LRRC7: variants seen among roughly 807,000 people sequenced by gnomAD.
LRRC7 encodes leucine-rich repeat-containing protein 7.
In LRRC7, 23 loss-of-function variants were observed where a neutral mutation model predicts 175.7. That is an observed-to-expected ratio of 0.13 (90% CI 0.09 to 0.19). LRRC7 has a LOEUF of 0.19. Ranked by LOEUF, LRRC7 falls within the 10% of genes least tolerant of loss-of-function variation. The probability of loss-of-function intolerance (pLI) is 1.00; values close to 1 mark genes in which losing one functional copy is unlikely to be tolerated. For synonymous variants in LRRC7, 685 were observed against 680.9 expected (o/e 1.01, Z -0.09); for missense variants, 1,354 against 1,904.7 (o/e 0.71, Z 5.38).
chr1:70,069,117 A>G (rs1273835484), intron 23 of LRRC7, among the ~76,000 whole-genome samples: 3 of 152,274 alleles, frequency 2.0e-5, no homozygotes, highest in East Asian at 3.9e-4. Flanking sequence ...GTTTAATTAT[A>G]GTGTGTCTGT....
rs78427379 is a variant in LRRC7, at chr1:69,713,003, G to A, written c.100+34525G>A. Among the ~76,000 whole-genome samples the A allele has an allele frequency of 2.2e-3, 342 of 152,222 alleles. 3 individuals carry two copies. In the East Asian group the frequency reaches 0.033, roughly 15 times the overall value. On this transcript the variant is annotated intron_variant, in intron 2 of 26. Transcript: ENST00000651989. ...TTGAATGGCGAATCTCCCTGAACGT[G>A]GAGGGGCACGTTTTGTTTTCAACAA... is the stretch of plus-strand genomic sequence containing the variant.
chr1:69,782,440 T>G (rs1245633366), intron 3 of LRRC7, among the ~76,000 whole-genome samples: 1 of 152,128 alleles, frequency 6.6e-6, no homozygotes, highest in East Asian at 1.9e-4. Flanking sequence ...GATCTGGAAC[T>G]TGAACAACAG....
intron 2 of LRRC7, among the ~76,000 whole-genome samples, chr1:69,705,769 C>T (rs538548592): frequency 2.0e-5 from 3 of 152,094 alleles, no homozygotes; most frequent in South Asian, 2.1e-4. Context: ...CCTATATGCC[C>T]CAAGTGTTTT....
intron 1 of LRRC7, chr1:69,607,273 A>T (rs1364137313): frequency 6.6e-6 from 1 of 152,078 alleles, no homozygotes; most frequent in African/African-American, 2.4e-5. Context: ...AAGTCATTTT[A>T]ATAATCTCCT....
chr1:69,919,654 C>CT (rs1646823180), intron 7 of LRRC7: 3 of 897,252 alleles, frequency 3.3e-6, no homozygotes, highest in Non-Finnish European at 5.6e-6. Context: ...GAGAGAAGGA[C>CT]TTTGAGTCTC....
intron 7 of LRRC7, 90 bp from the exon 8 acceptor site, chr1:69,931,417 G>C (rs894517867): frequency 1.0e-6 from 1 of 1,002,314 alleles, no homozygotes; most frequent in South Asian, 1.4e-5. Context: ...TACGCAATCA[G>C]GTAAATCTGA....
Position 69,978,990 on chromosome 1 carries a change from G to T in LRRC7, c.712-1389G>T, listed in dbSNP as rs533748021. The stretch of plus-strand genomic sequence containing the variant: ...TTCCAGGCTTATATAATCTTACCAG[G>T]ATCTATCCTTTAGCTCCACTTTCTG... On this transcript the variant is annotated intron_variant, in intron 8 of 26. Transcript: ENST00000651989. 1.2e-4 allele frequency among the ~76,000 whole-genome samples: 18 copies of T among 150,698 alleles called. No individual in the cohort carries two copies. In the South Asian group the frequency reaches 1.7e-3, roughly 14 times the overall value.
intron 1 of LRRC7, among the ~76,000 whole-genome samples, chr1:69,608,481 A>T (rs1648016947): frequency 6.6e-6 from 1 of 152,066 alleles, no homozygotes; most frequent in Non-Finnish European, 1.5e-5. Context: ...AGGTAGTCAC[A>T]TGAGAAGATC....
At chr1:69,886,404 T>G (rs1302490679) in intron 7 of LRRC7, among the ~76,000 whole-genome samples, 2 of 151,440 alleles carry the variant, frequency 1.3e-5, no homozygotes, top group Non-Finnish European at 3.0e-5. Flanking sequence ...TCTTTGTTGG[T>G]TTAAAGTCTG....
intron 7 of LRRC7, among the ~76,000 whole-genome samples, chr1:69,917,537 G>C (rs1033306891): frequency 1.3e-5 from 2 of 152,018 alleles, no homozygotes; most frequent in Non-Finnish European, 2.9e-5. Flanking sequence ...AAAGAGAGGA[G>C]ACATTTGACA....
At chr1:70,026,087 G>A (rs939640403) in intron 17 of LRRC7, among the ~76,000 whole-genome samples, 1 of 151,894 alleles carries the variant, frequency 6.6e-6, no homozygotes, top group Admixed American at 6.6e-5. Context: ...TGTGTCAGAT[G>A]GGACACAGCA....
chr1:69,885,769 C>T (rs1458757268), intron 7 of LRRC7, among the ~76,000 whole-genome samples: 1 of 140,260 alleles, frequency 7.1e-6, no homozygotes, highest in East Asian at 2.1e-4. Context: ...TATAAATTTC[C>T]CTCTACACAC....
chr1:69,858,494 C>G lies in LRRC7; in HGVS notation c.647+20211C>G, dbSNP rs566792996. Among the ~76,000 whole-genome samples the G allele has an allele frequency of 2.0e-5, 3 of 152,146 alleles. 1 individual carries two copies. The Middle Eastern group carries it at 0.01, about 518-fold the overall frequency. ...TCCACAAAGACAAGGGCCATCCAGG[C>G]TACACCAATATTAGCATACTAGAAG... On this transcript the variant is annotated intron_variant, in intron 7 of 26. Transcript: ENST00000651989.
intron 24 of LRRC7, among the ~76,000 whole-genome samples, chr1:70,080,307 T>G (rs1663112069): frequency 6.6e-6 from 1 of 152,236 alleles, no homozygotes; most frequent in South Asian, 2.1e-4. Context: ...CATGTGGAAA[T>G]GAACATATAT....
rs1418137854 is a variant in LRRC7, at chr1:70,133,852, C to T, written c.*11965C>T. On this transcript the variant is annotated 3_prime_UTR_variant, in exon 27 of 27. Transcript: ENST00000651989. The stretch of plus-strand genomic sequence containing the variant: ...CCTATCTCCCATTATTTTAGCCACA[C>T]TTCCTTCAGGTATGCCCATTCCAAG... 6.6e-6 allele frequency among the ~76,000 whole-genome samples: 1 copy of T among 152,196 alleles called. No individual in the cohort carries two copies. Among genetic ancestry groups the T allele is most frequent in the African/African-American group, 2.4e-5 (1 of 41,440 alleles).
chr1:69,928,923 C>T (rs374144811), intron 7 of LRRC7, among the ~76,000 whole-genome samples: 41 of 152,298 alleles, frequency 2.7e-4, no homozygotes, highest in Middle Eastern at 6.8e-3. Context: ...AGCTGTAGAC[C>T]GGAGCTGTTC....
intron 21 of LRRC7, among the ~76,000 whole-genome samples, chr1:70,043,260 C>T (rs1035306185): frequency 6.6e-6 from 1 of 151,856 alleles, no homozygotes; most frequent in Non-Finnish European, 1.5e-5. Context: ...ATTATAATTG[C>T]TTTAATATTA....
rs35639787 is a variant in LRRC7, at chr1:70,054,578, CTTTTTTTTTTT to C, written c.4230+1454_4230+1464del. On this transcript the variant is annotated intron_variant, in intron 23 of 26. Transcript: ENST00000651989. ...TTGAATTATGGTTCTTTACACTCTA[CTTTTTTTTTTT>C]TTTTTTTTTTTTTTTTTTTTGAGAC... Among the ~76,000 whole-genome samples, 431 of 53,826 alleles carry C rather than the reference CTTTTTTTTTTT, an allele frequency of 8.0e-3. 6 individuals carry two copies. Among genetic ancestry groups the C allele is most frequent in the African/African-American group, 0.022 (331 of 15,110 alleles). 35.3% of individuals were successfully genotyped at this position (53,826 alleles called of 152,430 possible).
At chr1:69,882,826 A>G (rs1243517935) in intron 7 of LRRC7, among the ~76,000 whole-genome samples, 6 of 137,580 alleles carry the variant, frequency 4.4e-5, no homozygotes, top group Non-Finnish European at 9.1e-5. Context: ...ATGTGATCTC[A>G]TTGCTCAATT....
Sources: allele counts gnomAD v4.1 joint callset (sites outside exome capture counted in the v4.1 genomes callset), GRCh38; gene constraint gnomAD v4.1.1; transcripts MANE v1.5; gene names NCBI Gene and HGNC (gene_info 2026-07-23, HGNC 2026-07-21).